Variants in MYBL1 observed in about 807,000 individuals in gnomAD.
MYBL1 encodes the protein myb-related protein A.
A neutral mutation model predicts 96.3 loss-of-function variants in MYBL1; 17 were observed. The ratio of observed to expected loss-of-function variants is 0.18; its 90% CI spans 0.12 to 0.26. The LOEUF (loss-of-function observed/expected upper bound fraction) is 0.26. Among genes scored for constraint, MYBL1 ranks in the 10% least tolerant of loss-of-function variants. The pLI, the probability that MYBL1 is intolerant of heterozygous loss-of-function variation, is 1.00. For missense variants in MYBL1, 701 were observed against 882.9 expected (o/e 0.79, Z 2.61); for synonymous variants, 282 against 292.7 (o/e 0.96, Z 0.37).
In MYBL1 at chr8:66,572,340, A is replaced by C. The variant is rs141801112; in HGVS notation, c.1728+142T>G. ...GTCTCAAAAAAAAAACAAAAAAAAA[A>C]CCTTGAAAATCAAAAGATAAAGCTT... is the stretch of plus-strand genomic sequence containing the variant. On this transcript the variant is annotated intron_variant, in intron 12 of 15. Coordinates refer to ENST00000522677, the MANE Select transcript of MYBL1 (RefSeq NM_001080416.4). 1.9e-3 allele frequency: 1,023 copies of C among 525,516 alleles called. 7 individuals are homozygous for C. Among genetic ancestry groups the C allele is most frequent in the African/African-American group, 0.017 (905 of 52,552 alleles). 32.6% of individuals were successfully genotyped at this position (525,516 alleles called of 1,614,324 possible).
In MYBL1 at chr8:66,566,032, A is replaced by G. The variant is rs1223717470; in HGVS notation, c.2130+32T>C. On this transcript the variant is annotated intron_variant, in intron 15 of 15. Coordinates refer to ENST00000522677, the MANE Select transcript of MYBL1 (RefSeq NM_001080416.4). ...AAGTGATCATTGACTAAACAAAAAC[A>G]AAAATCACTAAAGAAATTTATAAAT... The G allele has an allele frequency of 3.5e-6, 5 of 1,417,148 alleles. No individual in the cohort carries two copies. In the East Asian group the frequency reaches 1.1e-4, roughly 30 times the overall value. 87.8% of individuals were successfully genotyped at this position (1,417,148 alleles called of 1,614,324 possible).
chr8:66,583,676 T>A (rs1466273350), intron 8 of MYBL1, among the ~76,000 whole-genome samples: 2 of 152,148 alleles, frequency 1.3e-5, no homozygotes, highest in East Asian at 3.8e-4. Context: ...CATTAGAGGT[T>A]ATCATGAATA....
intron 4 of MYBL1, among the ~76,000 whole-genome samples, chr8:66,598,803 C>A (rs1809952814): frequency 1.3e-5 from 2 of 152,244 alleles, no homozygotes; most frequent in African/African-American, 4.8e-5. Flanking sequence ...AACCTTACAG[C>A]AAGTATTTTT....
chr8:66,566,166 A>G lies in MYBL1; in HGVS notation c.2028T>C (p.Pro676=), dbSNP rs372897965. 4 of 1,535,228 alleles carry G rather than the reference A, an allele frequency of 2.6e-6. No homozygotes were observed. The African/African-American group carries it at 5.5e-5, about 21-fold the overall frequency. Residue 676 remains proline, a synonymous_variant, in exon 15 of 16, where the codon CCT becomes CCC. Coordinates refer to ENST00000522677, the MANE Select transcript of MYBL1 (RefSeq NM_001080416.4). The stretch of plus-strand genomic sequence containing the variant: ...TGGTTGAATTTATATCTTGTTTTTC[A>G]GGAATCAAGTTGCACCTATTGTCAT... ...EIHDNRCNLI[P]EKQDINSTNK...
intron 1 of MYBL1, among the ~76,000 whole-genome samples, chr8:66,605,066 G>A (rs1810259029): frequency 6.6e-6 from 1 of 152,018 alleles, no homozygotes; most frequent in African/African-American, 2.4e-5. Flanking sequence ...AGAAATAAGT[G>A]AAATGTACTT....
At chr8:66,607,129 CAA>C (rs1226149503) in intron 1 of MYBL1, among the ~76,000 whole-genome samples, 5 of 124,924 alleles carry the variant, frequency 4.0e-5, no homozygotes, top group Admixed American at 8.1e-5. Flanking sequence ...GTTAAAACAA[CAA>C]AAAAAAAAAA....
At chr8:66,585,262 T>C (rs1586574501) in intron 8 of MYBL1, among the ~76,000 whole-genome samples, 1 of 152,000 alleles carries the variant, frequency 6.6e-6, no homozygotes, top group Non-Finnish European at 1.5e-5. Context: ...AGAACACTGA[T>C]GGAAGAAGAG....
intron 10 of MYBL1, among the ~76,000 whole-genome samples, 159 bp from the exon 11 acceptor site, chr8:66,573,665 G>T (rs939875862): frequency 1.3e-5 from 2 of 152,124 alleles, no homozygotes; most frequent in South Asian, 2.1e-4. Context: ...CTCCATGAGG[G>T]TAGGAATTTT....
chr8:66,602,691 G>A (rs1810125321), intron 1 of MYBL1, among the ~76,000 whole-genome samples, 168 bp from the exon 2 acceptor site: 1 of 135,524 alleles, frequency 7.4e-6, no homozygotes, highest in Non-Finnish European at 1.6e-5. Context: ...CAGCGGGGTG[G>A]GGTGGAGCTA....
Position 66,612,815 on chromosome 8 carries a change from C to T in MYBL1, c.20+4G>A. ...CAGGCCTGGGCGAAAGGGGTGCCAC[C>T]CACCTGCGCGACCTCTTCGCCATCC... On this transcript the variant is annotated splice_donor_region_variant and intron_variant, in intron 1 of 15. Coordinates refer to ENST00000522677, the MANE Select transcript of MYBL1 (RefSeq NM_001080416.4). 1 of 1,371,158 alleles carries T rather than the reference C, an allele frequency of 7.3e-7. No homozygotes were observed. Among genetic ancestry groups the T allele is most frequent in the East Asian group, 2.8e-5 (1 of 36,146 alleles). The allele number at this position is 1,371,158 out of a possible 1,614,324, so 84.9% of individuals were successfully genotyped here. A position where few individuals can be genotyped will look rare whatever the true frequency, so the allele number is the denominator to read the frequency against.
chr8:66,604,512 TAA>T (rs879543352), intron 1 of MYBL1, among the ~76,000 whole-genome samples: 1 of 138,272 alleles, frequency 7.2e-6, no homozygotes. Flanking sequence ...ATTTCAAAAT[TAA>T]AAAAAAAAAA....
intron 1 of MYBL1, among the ~76,000 whole-genome samples, chr8:66,607,652 G>A (rs1264926635): frequency 6.7e-6 from 1 of 149,898 alleles, no homozygotes; most frequent in Non-Finnish European, 1.5e-5. Flanking sequence ...AATACCTCTA[G>A]GAAGAGGTAA....
chr8:66,604,623 A>T (rs1402773966), intron 1 of MYBL1, among the ~76,000 whole-genome samples: 5 of 152,198 alleles, frequency 3.3e-5, no homozygotes, highest in Non-Finnish European at 7.3e-5. Context: ...ACAGAAAAGA[A>T]GTCTACTTTT....
At chr8:66,595,037 C>T (rs1256100585) in intron 6 of MYBL1, among the ~76,000 whole-genome samples, 1 of 152,094 alleles carries the variant, frequency 6.6e-6, no homozygotes, top group Non-Finnish European at 1.5e-5. Flanking sequence ...TAAGGGACAA[C>T]ATAGAGCTTG....
intron 4 of MYBL1, 124 bp downstream of exon 4, chr8:66,598,926 A>G: frequency 2.0e-6 from 1 of 502,562 alleles, no homozygotes. Context: ...ATTCTTATGC[A>G]AGTAGCCTCC....
At chr8:66,593,034 T>TAATA in intron 7 of MYBL1, 86 bp downstream of exon 7, 1 of 810,600 alleles carries the variant, frequency 1.2e-6, no homozygotes, top group South Asian at 1.7e-5. Flanking sequence ...TATACTAGTT[T>TAATA]AATAGATGAG....
chr8:66,566,823 A>G, intron 13 of MYBL1, 35 bp from the exon 14 acceptor site: 1 of 1,591,760 alleles, frequency 6.3e-7, no homozygotes, highest in Non-Finnish European at 8.6e-7. Context: ...GCTTTATGGC[A>G]AAGTCTCTTG....
Position 66,571,095 on chromosome 8 carries a change from A to G in MYBL1, c.1728+1387T>C, listed in dbSNP as rs551780065. On this transcript the variant is annotated intron_variant, in intron 12 of 15. Coordinates refer to ENST00000522677, the MANE Select transcript of MYBL1 (RefSeq NM_001080416.4). ...TGAATCTAACCAAAAAGTGACTAAA[A>G]ATAGAAGAACATAACTAAAAAACCC... Among the ~76,000 whole-genome samples, 12 of 152,340 alleles carry G rather than the reference A, an allele frequency of 7.9e-5. No individual in the cohort carries two copies. The East Asian group carries it at 2.1e-3, about 27-fold the overall frequency.
chr8:66,577,922 C>T (rs1421036198), intron 9 of MYBL1, among the ~76,000 whole-genome samples: 3 of 152,098 alleles, frequency 2.0e-5, no homozygotes, highest in African/African-American at 7.2e-5. Context: ...AGAAATAATG[C>T]CGCGTTATCT....
Sources: gnomAD v4.1 joint callset for allele counts (sites outside exome capture counted in the v4.1 genomes callset) on GRCh38, gnomAD v4.1.1 for gene constraint, MANE v1.5 for transcripts, NCBI Gene and HGNC (gene_info 2026-07-23, HGNC 2026-07-21) for gene names.